CLGN: variants seen among roughly 807,000 people sequenced by gnomAD.
CLGN encodes calmegin.
CLGN carries 62 observed loss-of-function variants against 79.1 expected under a neutral mutation model. The observed-to-expected ratio is 0.78, with a 90% CI of 0.64 to 0.97. The LOEUF (loss-of-function observed/expected upper bound fraction) is 0.97. CLGN is among the 50% of genes least tolerant of loss of function. CLGN has a pLI of 0.00. For missense variants in CLGN, 647 were observed against 715.5 expected (o/e 0.90, Z 1.09); for synonymous variants, 225 against 224.7 (o/e 1.00, Z -0.01).
intron 1 of CLGN, among the ~76,000 whole-genome samples, chr4:140,417,866 G>A (rs1161122824): frequency 2.0e-5 from 3 of 151,006 alleles, no homozygotes; most frequent in African/African-American, 7.3e-5. Flanking sequence ...AAGTTCATAT[G>A]GAACCAAAAA....
At position 140,390,203 on chromosome 4, in the gene CLGN, C is replaced by T. The variant is rs191336186; in HGVS notation, c.1752+425G>A. 3.2e-3 allele frequency among the ~76,000 whole-genome samples: 491 copies of T among 151,724 alleles called. 4 individuals are homozygous for T. Among genetic ancestry groups the T allele is most frequent in the Middle Eastern group, 0.02 (6 of 294 alleles). ...AATACCCTATCAGGCAGATAGTACTCAACTACCCAATGAATGAAATATTTT... is the reference window on the plus strand; with the variant it reads ...AATACCCTATCAGGCAGATAGTACTTAACTACCCAATGAATGAAATATTTT... On this transcript the variant is annotated intron_variant, in intron 14 of 14. Transcript: ENST00000325617.
intron 2 of CLGN, among the ~76,000 whole-genome samples, chr4:140,411,225 T>C (rs1236965308): frequency 2.0e-5 from 3 of 152,008 alleles, no homozygotes; most frequent in Non-Finnish European, 2.9e-5. Flanking sequence ...ATAATATTTC[T>C]ATGGGGGAAG....
At chr4:140,410,104 G>T (rs1729182733) in intron 3 of CLGN, among the ~76,000 whole-genome samples, 1 of 152,032 alleles carries the variant, frequency 6.6e-6, no homozygotes, top group African/African-American at 2.4e-5. Flanking sequence ...TAATTTACTA[G>T]CTGTATGATC....
At chr4:140,410,763 A>C in intron 2 of CLGN, 137 bp from the exon 3 acceptor site, 1 of 597,844 alleles carries the variant, frequency 1.7e-6, no homozygotes, top group Admixed American at 3.1e-5. Flanking sequence ...CAAATAGGAT[A>C]CAAAACTTTG....
chr4:140,414,166 A>C (rs2126630033), intron 1 of CLGN, among the ~76,000 whole-genome samples: 1 of 152,340 alleles, frequency 6.6e-6, no homozygotes, highest in African/African-American at 2.4e-5. Context: ...AAACTAACAA[A>C]CAGAAAGGAC....
intron 1 of CLGN, among the ~76,000 whole-genome samples, chr4:140,417,755 T>A (rs1387056983): frequency 4.0e-5 from 6 of 150,894 alleles, no homozygotes; most frequent in Non-Finnish European, 7.4e-5. Flanking sequence ...AGAATCAATA[T>A]CGTGAAAATG....
chr4:140,405,756 C>A lies in CLGN; in HGVS notation c.419+186G>T, dbSNP rs182160254. 3.9e-5 allele frequency among the ~76,000 whole-genome samples: 6 copies of A among 152,200 alleles called. No individual in the cohort carries two copies. In the East Asian group the frequency reaches 1.2e-3, roughly 29 times the overall value. On this transcript the variant is annotated intron_variant, in intron 5 of 14. Coordinates refer to ENST00000325617, the MANE Select transcript of CLGN (RefSeq NM_004362.3). ...ATGGTTGATCTTTGTATAATTTTAT[C>A]ATTTACCTGCTTTTTATTGAAAGCA... is the stretch of plus-strand genomic sequence containing the variant.
intron 5 of CLGN, among the ~76,000 whole-genome samples, chr4:140,404,155 A>G (rs764407248): frequency 4.0e-5 from 6 of 151,644 alleles, no homozygotes; most frequent in African/African-American, 9.7e-5. Context: ...GTGCAGTGGC[A>G]TGATCTCGGC....
intron 1 of CLGN, among the ~76,000 whole-genome samples, chr4:140,421,511 C>T (rs755198073): frequency 6.6e-6 from 1 of 151,898 alleles, no homozygotes; most frequent in Non-Finnish European, 1.5e-5. Context: ...CCTAATATGG[C>T]GTAGTATCAT....
At chr4:140,408,434 A>G (rs548025774) in intron 4 of CLGN, among the ~76,000 whole-genome samples, 1 of 152,296 alleles carries the variant, frequency 6.6e-6, no homozygotes, top group South Asian at 2.1e-4. Context: ...TATGAATCTG[A>G]CAAAGGACTA....
At chr4:140,396,596 TC>T (rs1464932747) in intron 8 of CLGN, among the ~76,000 whole-genome samples, 1 of 151,684 alleles carries the variant, frequency 6.6e-6, no homozygotes, top group Non-Finnish European at 1.5e-5. Flanking sequence ...TGTTCTTGTT[TC>T]CCAGGCTGGA....
At chr4:140,405,173 ATTTTTATTTTTT>A (rs1175695784) in intron 5 of CLGN, among the ~76,000 whole-genome samples, 29 of 25,016 alleles carry the variant, frequency 1.2e-3, no homozygotes, top group African/African-American at 1.9e-3. Context: ...AATTTTTTTT[ATTTTTATTTTTT>A]TTTTTATTTT....
rs143888432 is a variant in CLGN, at chr4:140,420,553, T to TAA, written c.-10+6983_-10+6984insTT. Among the ~76,000 whole-genome samples the TAA allele has an allele frequency of 6.2e-3, 927 of 150,186 alleles. 11 individuals carry two copies. The highest frequency in any genetic ancestry group is 0.01 in the Middle Eastern group (3 of 290). On this transcript the variant is annotated intron_variant, in intron 1 of 14. Transcript: ENST00000325617. ...CTATTGTTTTTATTTGTTCTTTTTT[T>TAA]TAAAAAAAAAAATCAGAAATACAGA...
At chr4:140,426,999 G>C (rs1199084965) in intron 1 of CLGN, among the ~76,000 whole-genome samples, 1 of 152,228 alleles carries the variant, frequency 6.6e-6, no homozygotes, top group Non-Finnish European at 1.5e-5. Flanking sequence ...CACATAGGTG[G>C]AGACTGAGAC....
chr4:140,397,459 T>G (rs1331043485), intron 8 of CLGN, among the ~76,000 whole-genome samples: 1 of 119,418 alleles, frequency 8.4e-6, no homozygotes, highest in African/African-American at 3.6e-5. Context: ...TTTAGGGAGG[T>G]TTTTTTTTTT....
intron 1 of CLGN, among the ~76,000 whole-genome samples, chr4:140,422,287 A>G (rs1445287608): frequency 1.3e-5 from 2 of 152,140 alleles, no homozygotes; most frequent in African/African-American, 4.8e-5. Context: ...GAATTTTACT[A>G]TTCTTGCAAA....
intron 5 of CLGN, among the ~76,000 whole-genome samples, chr4:140,405,406 G>A (rs1208904265): frequency 1.3e-5 from 2 of 150,596 alleles, no homozygotes; most frequent in South Asian, 2.1e-4. Flanking sequence ...GGATGGTCTC[G>A]ATCTCCTGAC....
At position 140,402,158 on chromosome 4, in the gene CLGN, G is replaced by A. The variant is rs561580239; in HGVS notation, c.420-92C>T. 3 of 637,840 alleles carry A rather than the reference G, an allele frequency of 4.7e-6. No individual in the cohort carries two copies. The South Asian group carries it at 8.4e-5, about 18-fold the overall frequency. 39.5% of individuals were successfully genotyped at this position (637,840 alleles called of 1,614,324 possible). On this transcript the variant is annotated intron_variant, in intron 5 of 14. Transcript: ENST00000325617. ...ATCTTATTATTCTCAATTCATGTAA[G>A]TATAAATTTTTTTACATTATCAGAA...
At chr4:140,412,624 T>C (rs1444845506) in intron 2 of CLGN, among the ~76,000 whole-genome samples, 1 of 152,100 alleles carries the variant, frequency 6.6e-6, no homozygotes, top group African/African-American at 2.4e-5. Context: ...GATCTAGCAA[T>C]GTCAAAAGTA....
Sources: gnomAD v4.1 joint callset for allele counts (sites outside exome capture counted in the v4.1 genomes callset) on GRCh38, gnomAD v4.1.1 for gene constraint, MANE v1.5 for transcripts, NCBI Gene and HGNC (gene_info 2026-07-23, HGNC 2026-07-21) for gene names.